Variants in HELZ observed in about 807,000 individuals in gnomAD.
HELZ encodes the protein ATP-dependent RNA helicase with zinc finger domain.
Under a neutral mutation model 218.2 loss-of-function variants are expected in HELZ, and 23 were observed. That is an observed-to-expected ratio of 0.11 (90% CI 0.08 to 0.15). The LOEUF (loss-of-function observed/expected upper bound fraction) is 0.15. HELZ is among the 10% of genes least tolerant of loss of function. HELZ has a pLI of 1.00. For missense variants in HELZ, 1,813 were observed against 2,353.7 expected, an observed-to-expected ratio of 0.77 and a Z score of 4.75; for synonymous variants, 814 against 829.4, an observed-to-expected ratio of 0.98 and a Z score of 0.32.
Position 67,077,442 on chromosome 17 carries a change from C to T in HELZ, c.*810G>A, listed in dbSNP as rs2036046001. 1 of 151,852 alleles carries T rather than the reference C, an allele frequency of 6.6e-6. No individual in the cohort carries two copies. Among genetic ancestry groups the T allele is most frequent in the Non-Finnish European group, 1.5e-5 (1 of 67,950 alleles). 9.4% of individuals were successfully genotyped at this position (151,852 alleles called of 1,614,324 possible). On this transcript the variant is annotated 3_prime_UTR_variant, in exon 33 of 33. Transcript: ENST00000358691. Reference sequence around the variant, plus strand: ...ATTTTTAAAATAGTTATCAAGTCTACTAAGCACCAACAATCCTAAAAATTT... The same window carrying T: ...ATTTTTAAAATAGTTATCAAGTCTATTAAGCACCAACAATCCTAAAAATTT...
intron 7 of HELZ, among the ~76,000 whole-genome samples, chr17:67,197,575 T>C (rs941544360): frequency 1.1e-4 from 16 of 152,172 alleles, no homozygotes; most frequent in Non-Finnish European, 2.1e-4. Context: ...CCAGATTGCT[T>C]TTCATGGACA....
At chr17:67,178,533 G>T in intron 13 of HELZ, 126 bp downstream of exon 13, 1 of 749,996 alleles carries the variant, frequency 1.3e-6, no homozygotes, top group Non-Finnish European at 2.2e-6. Context: ...TTTAAAGATA[G>T]AATACAGTTA....
At chr17:67,082,975 G>A (rs1030917694) in intron 32 of HELZ, among the ~76,000 whole-genome samples, 4 of 150,594 alleles carry the variant, frequency 2.7e-5, no homozygotes, top group African/African-American at 7.3e-5. Context: ...TCCTGCCTCA[G>A]CCTCCCAAGT....
At chr17:67,098,572 TA>T (rs770393293) in intron 31 of HELZ, among the ~76,000 whole-genome samples, 12,601 of 123,902 alleles carry the variant, frequency 0.1, 659 homozygotes, top group Admixed American at 0.14. Context: ...CCGTCTCTAC[TA>T]AAAAAAAAAA....
At chr17:67,181,332 T>G (rs1250229884) in intron 12 of HELZ, among the ~76,000 whole-genome samples, 2 of 152,210 alleles carry the variant, frequency 1.3e-5, no homozygotes, top group African/African-American at 4.8e-5. Context: ...AAATGCTTTT[T>G]GATTCACCTA....
chr17:67,117,841 G>A (rs921992126), intron 27 of HELZ, among the ~76,000 whole-genome samples: 3 of 151,822 alleles, frequency 2.0e-5, no homozygotes, highest in Non-Finnish European at 2.9e-5. Flanking sequence ...ATGAGCCACC[G>A]TGCTCGGCCT....
Position 67,076,362 on chromosome 17 carries a change from A to G in HELZ, c.*1890T>C, listed in dbSNP as rs567725652. The G allele has an allele frequency of 6.6e-6, 1 of 152,338 alleles. No homozygotes were observed. The highest frequency in any genetic ancestry group is 1.9e-4 in the East Asian group (1 of 5,192). The allele number at this position is 152,338 out of a possible 1,614,324, so 9.4% of individuals were successfully genotyped here. ...ATGTTGAGTAAAATTTGACATTGCTAAATGTGGTGATCTGACATCATACAG... is the reference window on the plus strand; with the variant it reads ...ATGTTGAGTAAAATTTGACATTGCTGAATGTGGTGATCTGACATCATACAG... On this transcript the variant is annotated 3_prime_UTR_variant, in exon 33 of 33. Coordinates refer to ENST00000358691, the MANE Select transcript of HELZ (RefSeq NM_014877.4).
chr17:67,236,953 T>C (rs2041200149), intron 3 of HELZ, among the ~76,000 whole-genome samples: 1 of 152,156 alleles, frequency 6.6e-6, no homozygotes, highest in Non-Finnish European at 1.5e-5. Flanking sequence ...AACCCCAGTT[T>C]TTCAAGGACC....
intron 5 of HELZ, among the ~76,000 whole-genome samples, chr17:67,206,756 T>C (rs551362547): frequency 3.7e-4 from 53 of 143,736 alleles, no homozygotes; most frequent in Non-Finnish European, 6.2e-4. Flanking sequence ...TGCGCCACCA[T>C]ACTCGGCTAA....
At chr17:67,085,300 T>C (rs1190115637) in intron 32 of HELZ, among the ~76,000 whole-genome samples, 1 of 152,090 alleles carries the variant, frequency 6.6e-6, no homozygotes, top group Non-Finnish European at 1.5e-5. Flanking sequence ...CACATGCCTA[T>C]AGTCCCAGCT....
rs1005886306 is a variant in HELZ at position 67,188,107 on chromosome 17, A to T, written c.1162+212T>A. 6.2e-6 allele frequency: 3 copies of T among 485,982 alleles called. No homozygotes were observed. Among genetic ancestry groups the T allele is most frequent in the Non-Finnish European group, 1.1e-5 (3 of 276,362 alleles). 30.1% of individuals were successfully genotyped at this position (485,982 alleles called of 1,614,324 possible). On this transcript the variant is annotated intron_variant, in intron 12 of 32. Coordinates refer to ENST00000358691, the MANE Select transcript of HELZ (RefSeq NM_014877.4). The surrounding 1 kb of genome is among the most constrained non-coding windows in gnomAD (Gnocchi z 4.1). ...CTCATACAAGTTTGGGGAACCTCAA[A>T]GTTCAAGCTTTACCTGGTGGCTCTG...
intron 12 of HELZ, among the ~76,000 whole-genome samples, chr17:67,187,491 T>C (rs1266300937): frequency 6.6e-6 from 1 of 152,220 alleles, no homozygotes; most frequent in Non-Finnish European, 1.5e-5. Flanking sequence ...TTCTAGGTTC[T>C]CATGAATGGG....
chr17:67,135,106 G>T (rs1048670568), intron 23 of HELZ, among the ~76,000 whole-genome samples: 1 of 151,882 alleles, frequency 6.6e-6, no homozygotes, highest in Non-Finnish European at 1.5e-5. Context: ...AGATTTTGGT[G>T]TGTAGGTTGA....
Position 67,109,648 on chromosome 17 carries a change from T to C in HELZ, c.3957A>G (p.Glu1319=). Residue 1319 remains glutamate (E), a synonymous_variant, in exon 29 of 33, where the codon GAA becomes GAG. Coordinates refer to ENST00000358691, the MANE Select transcript of HELZ (RefSeq NM_014877.4). The part of the protein sequence containing the change: ...LESNPQNRSP[E]SRPSVVYPST... ...TGGGATAAACAACACTAGGACGTGA[T>C]TCAGGACTTCTGTTCTGTGGATTTG... is the stretch of plus-strand genomic sequence containing the variant. The C allele has an allele frequency of 6.2e-7, 1 of 1,614,036 alleles. No individual in the cohort carries two copies. The highest frequency in any genetic ancestry group is 8.5e-7 in the Non-Finnish European group (1 of 1,179,922).
At chr17:67,119,551 TAAC>T (rs1253358813) in intron 27 of HELZ, among the ~76,000 whole-genome samples, 1 of 152,180 alleles carries the variant, frequency 6.6e-6, no homozygotes, top group African/African-American at 2.4e-5. Context: ...TGGTGGAAGT[TAAC>T]AACTCTGGAT....
At chr17:67,081,903 GAGTGATCAGAAGACCAAGAGC>G (rs1567783637) in intron 32 of HELZ, among the ~76,000 whole-genome samples, 9 of 29,614 alleles carry the variant, frequency 3.0e-4, no homozygotes, top group Non-Finnish European at 6.4e-4. Flanking sequence ...TAGAAGAGCA[GAGTGATCAGAAGACCAAGAGC>G]AGAGTGATCA....
Position 67,120,457 on chromosome 17 carries a change from G to A in HELZ, c.3786C>T (p.Gly1262=). 1 of 1,613,994 alleles carries A rather than the reference G, an allele frequency of 6.2e-7. No individual in the cohort carries two copies. Among genetic ancestry groups the A allele is most frequent in the African/African-American group, 1.3e-5 (1 of 74,984 alleles). Residue 1262 remains glycine (G), a synonymous_variant, in exon 27 of 33, where the codon GGC becomes GGT. Coordinates refer to ENST00000358691, the MANE Select transcript of HELZ (RefSeq NM_014877.4). The part of the protein sequence containing the change: ...GLGHHPPVTI[G]QPQNQHQEKD... ...TCTCCTGATGCTGATTTTGTGGCTG[G>A]CCTATGGTGACAGGTGGGTGATGTC... is the stretch of plus-strand genomic sequence containing the variant.
chr17:67,201,235 T>C (rs751809356), intron 6 of HELZ, 50 bp from the exon 7 acceptor site: 3 of 1,222,758 alleles, frequency 2.5e-6, no homozygotes, highest in Non-Finnish European at 3.6e-6. Flanking sequence ...ATTAATTCTT[T>C]ACTATGGCAA....
Position 67,208,004 on chromosome 17 carries a change from A to G in HELZ, c.248-4561T>C, listed in dbSNP as rs975143615. Among the ~76,000 whole-genome samples, 35 of 152,210 alleles carry G rather than the reference A, an allele frequency of 2.3e-4. 2 individuals carry two copies. Among genetic ancestry groups the G allele is most frequent in the Admixed American group, 1.3e-3 (20 of 15,282 alleles). On this transcript the variant is annotated intron_variant, in intron 5 of 32. Transcript: ENST00000358691. ...ACAGAGCAAGACCCTGTCTCAAAAC[A>G]AAAACAAAAAACAGCATGGATGGAT...
Sources: gnomAD v4.1 joint callset for allele counts (sites outside exome capture counted in the v4.1 genomes callset) on GRCh38, gnomAD v4.1.1 for gene constraint, Gnocchi (gnomAD v3.1) non-coding constraint, MANE v1.5 for transcripts, NCBI Gene and HGNC (gene_info 2026-07-23, HGNC 2026-07-21) for gene names.